The following RAPGEF2 variants were observed in gnomAD, a reference collection of about 807,000 sequenced individuals.
The protein encoded by RAPGEF2 is Rap guanine nucleotide exchange factor 2.
Under a neutral mutation model 186.7 loss-of-function variants are expected in RAPGEF2, and 54 were observed. That is an observed-to-expected ratio of 0.29 (90% CI 0.23 to 0.36). The LOEUF (loss-of-function observed/expected upper bound fraction) is 0.36, where lower values mean the gene tolerates loss of function less well. Ranked by LOEUF, RAPGEF2 falls within the 10% of genes least tolerant of loss-of-function variation. The probability of loss-of-function intolerance (pLI) is 1.00; values close to 1 mark genes in which losing one functional copy is unlikely to be tolerated. For missense variants in RAPGEF2, 1,532 were observed against 2,045.0 expected, an observed-to-expected ratio of 0.75 and a Z score of 4.84; for synonymous variants, 712 against 705.9, an observed-to-expected ratio of 1.01 and a Z score of -0.14.
intron 2 of RAPGEF2, among the ~76,000 whole-genome samples, chr4:159,190,508 A>G (rs1380454779): frequency 6.6e-6 from 1 of 152,250 alleles, no homozygotes; most frequent in Non-Finnish European, 1.5e-5. Flanking sequence ...GAGAGAAGTC[A>G]GGAATGATGA....
intron 4 of RAPGEF2, among the ~76,000 whole-genome samples, chr4:159,235,172 CA>C (rs1383449962): frequency 1.3e-5 from 2 of 152,088 alleles, no homozygotes; most frequent in Non-Finnish European, 2.9e-5. Context: ...GAAACTCTTC[CA>C]GGGTAATACC....
At chr4:159,145,863 A>T (rs1420456019) in intron 1 of RAPGEF2, among the ~76,000 whole-genome samples, 1 of 152,158 alleles carries the variant, frequency 6.6e-6, no homozygotes, top group South Asian at 2.1e-4. Flanking sequence ...TTGAGCAAAG[A>T]TGATGTGTAG....
intron 7 of RAPGEF2, among the ~76,000 whole-genome samples, chr4:159,270,650 G>A (rs1387204378): frequency 6.6e-6 from 1 of 152,108 alleles, no homozygotes; most frequent in African/African-American, 2.4e-5. Context: ...TTTGTTGTCT[G>A]TCTCATTCAG....
At chr4:159,136,504 C>G (rs1741742165) in intron 1 of RAPGEF2, among the ~76,000 whole-genome samples, 1 of 152,102 alleles carries the variant, frequency 6.6e-6, no homozygotes, top group Admixed American at 6.6e-5. Flanking sequence ...GAGGAGATGT[C>G]CAGTAAGTAC....
intron 4 of RAPGEF2, among the ~76,000 whole-genome samples, chr4:159,230,322 C>G (rs1446795779): frequency 6.6e-6 from 1 of 152,128 alleles, no homozygotes; most frequent in African/African-American, 2.4e-5. Flanking sequence ...TTTCTTGTTT[C>G]TGAAAGACAG....
chr4:159,191,888 T>C (rs955907441), intron 2 of RAPGEF2, among the ~76,000 whole-genome samples: 1 of 152,156 alleles, frequency 6.6e-6, no homozygotes, highest in Non-Finnish European at 1.5e-5. Flanking sequence ...TCTTGAGTTA[T>C]GTTACATATT....
chr4:159,134,389 A>G (rs1180805030), intron 1 of RAPGEF2, among the ~76,000 whole-genome samples: 3 of 152,164 alleles, frequency 2.0e-5, no homozygotes, highest in African/African-American at 7.2e-5. Flanking sequence ...TCTCCAAGTG[A>G]TGAATATTTA....
intron 7 of RAPGEF2, among the ~76,000 whole-genome samples, chr4:159,279,686 T>C (rs570698096): frequency 6.6e-6 from 1 of 152,122 alleles, no homozygotes; most frequent in African/African-American, 2.4e-5. Flanking sequence ...CTTTTCTTTT[T>C]CCTTTTTTTT....
intron 1 of RAPGEF2, among the ~76,000 whole-genome samples, chr4:159,175,949 C>T (rs1369095267): frequency 1.3e-5 from 2 of 152,116 alleles, no homozygotes; most frequent in South Asian, 2.1e-4. Flanking sequence ...TAAGAGAAGA[C>T]GAGTGTCTTT....
intron 8 of RAPGEF2, among the ~76,000 whole-genome samples, chr4:159,313,149 A>C (rs967585835): frequency 3.1e-4 from 45 of 146,522 alleles, no homozygotes; most frequent in African/African-American, 1.1e-3. Flanking sequence ...CTCTGTCTCA[A>C]AAAAAACAAA....
intron 1 of RAPGEF2, among the ~76,000 whole-genome samples, chr4:159,179,372 A>G (rs761679638): frequency 1.3e-5 from 2 of 152,078 alleles, no homozygotes; most frequent in Non-Finnish European, 2.9e-5. Context: ...TTATTTTTCT[A>G]TAGTTGTTGG....
intron 1 of RAPGEF2, among the ~76,000 whole-genome samples, chr4:159,172,401 T>A (rs768610890): frequency 3.3e-5 from 5 of 152,160 alleles, no homozygotes; most frequent in Non-Finnish European, 5.9e-5. Flanking sequence ...CATGTTCCTT[T>A]CTGATTGTGA....
At chr4:159,329,723 A>T in intron 11 of RAPGEF2, 135 bp from the exon 12 acceptor site, 2 of 639,502 alleles carry the variant, frequency 3.1e-6, no homozygotes, top group Non-Finnish European at 5.0e-6. Flanking sequence ...AAGGTTCATT[A>T]CAGCATTAAT....
intron 7 of RAPGEF2, among the ~76,000 whole-genome samples, chr4:159,260,875 A>G (rs1258416106): frequency 6.6e-6 from 1 of 152,078 alleles, no homozygotes; most frequent in Non-Finnish European, 1.5e-5. Flanking sequence ...CAGCCTCCCA[A>G]GTAGCCGGGA....
chr4:159,266,374 A>G (rs769949242), intron 7 of RAPGEF2, among the ~76,000 whole-genome samples: 58 of 152,238 alleles, frequency 3.8e-4, no homozygotes, highest in Middle Eastern at 6.8e-3. Flanking sequence ...TTCTGTGTCT[A>G]TTTTCTATTA....
At chr4:159,191,608 G>A (rs186397292) in intron 2 of RAPGEF2, among the ~76,000 whole-genome samples, 4 of 152,160 alleles carry the variant, frequency 2.6e-5, no homozygotes, top group Admixed American at 6.5e-5. Context: ...GCGTGGTGGC[G>A]CGCAACGATA....
intron 4 of RAPGEF2, among the ~76,000 whole-genome samples, chr4:159,212,094 A>G (rs1321327315): frequency 6.6e-6 from 1 of 152,172 alleles, no homozygotes; most frequent in African/African-American, 2.4e-5. Context: ...TATTTTATGA[A>G]TGAGGAAACG....
intron 11 of RAPGEF2, 29 bp downstream of exon 11, chr4:159,323,646 T>A: frequency 1.5e-6 from 2 of 1,297,580 alleles, no homozygotes; most frequent in Non-Finnish European, 2.0e-6. Flanking sequence ...AAAATATATA[T>A]TTTATTCTTA....
intron 7 of RAPGEF2, among the ~76,000 whole-genome samples, chr4:159,254,765 C>T (rs942550617): frequency 1.2e-4 from 18 of 152,034 alleles, no homozygotes; most frequent in South Asian, 4.1e-4. Context: ...TGTGCCACCA[C>T]GCCTGGCTAA....
Sources: gnomAD v4.1 joint callset for allele counts (sites outside exome capture counted in the v4.1 genomes callset) on GRCh38, gnomAD v4.1.1 for gene constraint, MANE v1.5 for transcripts, NCBI Gene and HGNC (gene_info 2026-07-23, HGNC 2026-07-21) for gene names.